CR1L: variants seen among roughly 807,000 people sequenced by gnomAD.
CR1L encodes the protein complement component receptor 1-like protein.
Under a neutral mutation model 62.3 loss-of-function variants are expected in CR1L, and 59 were observed. That is an observed-to-expected ratio of 0.95 (90% confidence interval 0.77 to 1.18). CR1L has a LOEUF of 1.18. Ranked by LOEUF, CR1L falls within the 50% of genes most tolerant of loss-of-function variation. The pLI is 0.00. For synonymous variants in CR1L, 279 were observed against 248.7 expected (o/e 1.12, Z -1.15); for missense variants, 700 against 702.8 (o/e 1.00, Z 0.04).
chr1:207,683,494 T>C (rs1386722567), intron 3 of CR1L, among the ~76,000 whole-genome samples: 1 of 152,122 alleles, frequency 6.6e-6, no homozygotes, highest in Non-Finnish European at 1.5e-5. Flanking sequence ...TTAATACTTA[T>C]AAGGCATAGA....
At chr1:207,676,308 C>T (rs908001253) in intron 1 of CR1L, among the ~76,000 whole-genome samples, 16 of 152,178 alleles carry the variant, frequency 1.1e-4, no homozygotes, top group Non-Finnish European at 2.2e-4. Flanking sequence ...GTGTCCTCAA[C>T]CCCTGGGGCA....
chr1:207,676,259 T>TA (rs202121060), intron 1 of CR1L, among the ~76,000 whole-genome samples: 4 of 151,932 alleles, frequency 2.6e-5, no homozygotes, highest in Non-Finnish European at 5.9e-5. Context: ...ATTTTTTTTT[T>TA]AAAAAAAGAG....
chr1:207,657,465 G>C (rs1200624831), intron 1 of CR1L: 10 of 506,176 alleles, frequency 2.0e-5, no homozygotes, highest in Middle Eastern at 5.2e-4. Context: ...GTCAATTCAA[G>C]CCAAAAAATA....
At chr1:207,694,884 A>G (rs1664051153) in intron 5 of CR1L, 133 bp downstream of exon 5, 12 of 1,498,532 alleles carry the variant, frequency 8.0e-6, no homozygotes, top group African/African-American at 1.4e-5. Flanking sequence ...GGTAGTGAAC[A>G]TGAAATTCAG....
chr1:207,655,171 C>T (rs1233773792), intron 1 of CR1L: 1 of 565,884 alleles, frequency 1.8e-6, no homozygotes, highest in Admixed American at 2.6e-5. Flanking sequence ...AAACAGTAAC[C>T]CTTTCTTTTC....
intron 10 of CR1L, chr1:207,715,249 G>GAAGAAATC (rs1300751276): frequency 1.0e-6 from 1 of 990,886 alleles, no homozygotes; most frequent in East Asian, 2.9e-5. Context: ...ATCTATTAGT[G>GAAGAAATC]AAGAAATCAA....
chr1:207,652,045 C>G (rs1160145405), intron 1 of CR1L, among the ~76,000 whole-genome samples: 1 of 152,118 alleles, frequency 6.6e-6, no homozygotes, highest in Non-Finnish European at 1.5e-5. Context: ...TCTTGAGCAC[C>G]CACAAGGTGG....
chr1:207,717,350 T>A (rs1416136885), intron 10 of CR1L, 114 bp from the exon 11 acceptor site: 1 of 1,198,836 alleles, frequency 8.3e-7, no homozygotes, highest in Non-Finnish European at 1.2e-6. Flanking sequence ...ACCTTAGTTA[T>A]AGTCTTTCTA....
Position 207,645,304 on chromosome 1 carries a change from T to C in CR1L, c.71T>C (p.Leu24Pro). 2 of 1,614,036 alleles carry C rather than the reference T, an allele frequency of 1.2e-6. No individual in the cohort carries two copies. The highest frequency in any genetic ancestry group is 1.7e-6 in the Non-Finnish European group (2 of 1,180,008). The change falls in exon 1 of 12, where the codon CTG becomes CCG. Residue 24 changes from leucine (L) to proline (P), a missense_variant. Leu to Pro is a moderately conservative substitution (Grantham distance 98). Transcript: ENST00000508064. ...TTTCCTGGGTTGCTTCTGGCGGCCC[T>C]GGTGTTGCTGCTGTCCTCCTTCTCC... ...RRFPGLLLAA[L>P]VLLLSSFSDQ...
At chr1:207,692,730 C>T (rs1351242894) in intron 4 of CR1L, among the ~76,000 whole-genome samples, 1 of 151,174 alleles carries the variant, frequency 6.6e-6, no homozygotes, top group Non-Finnish European at 1.5e-5. Context: ...CTCTCTCTCT[C>T]TACGTTCCTC....
intron 1 of CR1L, among the ~76,000 whole-genome samples, chr1:207,656,186 C>T (rs571242341): frequency 3.9e-5 from 6 of 152,200 alleles, no homozygotes; most frequent in East Asian, 1.9e-4. Context: ...TGCAGCGAGC[C>T]GAGATCGCGC....
chr1:207,650,213 G>C (rs1388354466), intron 1 of CR1L, among the ~76,000 whole-genome samples: 1 of 152,176 alleles, frequency 6.6e-6, no homozygotes, highest in Non-Finnish European at 1.5e-5. Context: ...TGAAGTCACA[G>C]AAGTGTATAT....
intron 1 of CR1L, chr1:207,652,452 A>G (rs570120322): frequency 8.1e-5 from 61 of 753,324 alleles, no homozygotes; most frequent in South Asian, 4.4e-4. Flanking sequence ...GGGCCTTCCT[A>G]TTTTTTCTGT....
chr1:207,717,638 G>C lies in CR1L; in HGVS notation c.1589G>C (p.Gly530Ala). The C allele has an allele frequency of 1.2e-6, 2 of 1,613,986 alleles. No homozygotes were observed. Among genetic ancestry groups the C allele is most frequent in the Non-Finnish European group, 1.7e-6 (2 of 1,179,894 alleles). ...ATCCGCCGCACAAGTGAACCTCATG[G>C]GAATGGGGTTTGGAGCAGCCCTGCC... ...STIRRTSEPHGNGVWSSPAPR... is the reference protein window; with the variant it reads ...STIRRTSEPHANGVWSSPAPR... Residue 530 changes from glycine (G) to alanine (A), a missense_variant, in exon 11 of 12, where the codon GGG becomes GCG. Coordinates refer to ENST00000508064, the MANE Select transcript of CR1L (RefSeq NM_175710.2).
chr1:207,711,954 C>T (rs184023004), intron 10 of CR1L, among the ~76,000 whole-genome samples: 10 of 151,996 alleles, frequency 6.6e-5, no homozygotes, highest in South Asian at 2.1e-4. Flanking sequence ...GTAATTGAAG[C>T]GGGCTTACAG....
intron 1 of CR1L, among the ~76,000 whole-genome samples, chr1:207,651,659 GA>G (rs148896881): frequency 2.4e-4 from 35 of 146,510 alleles, no homozygotes; most frequent in African/African-American, 4.0e-4. Context: ...ATGATAGGGA[GA>G]AAAAAAAAAC....
intron 7 of CR1L, 98 bp downstream of exon 7, chr1:207,697,971 G>GAC (rs140211440): frequency 6.4e-4 from 941 of 1,477,016 alleles, no homozygotes; most frequent in Non-Finnish European, 8.0e-4. Context: ...AAGACAGACA[G>GAC]ACAGACACAC....
intron 1 of CR1L, among the ~76,000 whole-genome samples, chr1:207,671,203 G>A (rs1472484659): frequency 6.6e-6 from 1 of 150,886 alleles, no homozygotes; most frequent in Non-Finnish European, 1.5e-5. Flanking sequence ...AATCAGGTGG[G>A]GTAGTGCATG....
chr1:207,645,303 C>G lies in CR1L; in HGVS notation c.70C>G (p.Leu24Val). 1 of 1,614,058 alleles carries G rather than the reference C, an allele frequency of 6.2e-7. No homozygotes were observed. The highest frequency in any genetic ancestry group is 8.5e-7 in the Non-Finnish European group (1 of 1,180,024). The change falls in exon 1 of 12, where the codon CTG (leucine) becomes GTG (valine). Residue 24 changes from leucine (L) to valine (V), a missense_variant. Transcript: ENST00000508064. ...RRFPGLLLAALVLLLSSFSDQ... is the reference protein window; with the variant it reads ...RRFPGLLLAAVVLLLSSFSDQ... ...CTTTCCTGGGTTGCTTCTGGCGGCCCTGGTGTTGCTGCTGTCCTCCTTCTC... is the reference window on the plus strand; with the variant it reads ...CTTTCCTGGGTTGCTTCTGGCGGCCGTGGTGTTGCTGCTGTCCTCCTTCTC...
Sources: gnomAD v4.1 joint callset for allele counts (sites outside exome capture counted in the v4.1 genomes callset) on GRCh38, gnomAD v4.1.1 for gene constraint, MANE v1.5 for transcripts, NCBI Gene and HGNC (gene_info 2026-07-23, HGNC 2026-07-21) for gene names.